The following ZNF135 variants were observed in gnomAD, a reference collection of about 807,000 sequenced individuals.
ZNF135 encodes zinc finger protein 135 (clone pHZ-17).
Under a neutral mutation model 12.3 loss-of-function variants are expected in ZNF135, and 11 were observed. That is an observed-to-expected ratio of 0.89 (90% CI 0.56 to 1.48). ZNF135 has a LOEUF of 1.48. ZNF135 is among the 40% of genes most tolerant of loss of function. The pLI, the probability that ZNF135 is intolerant of heterozygous loss-of-function variation, is 0.00. For missense variants in ZNF135, 722 were observed against 815.7 expected (o/e 0.89, Z 1.40); for synonymous variants, 316 against 312.0 (o/e 1.01, Z -0.14).
In ZNF135 at chr19:58,069,585, T is replaced by C. The variant is rs941832241; in HGVS notation, c.*1124T>C. ...CTTGCTGCCCTCATTAGAAATTGCA[T>C]TGGCTGGCCAGGCGCGGTGACTTAT... On this transcript the variant is annotated 3_prime_UTR_variant, in exon 5 of 5. Transcript: ENST00000313434. The C allele has an allele frequency of 6.6e-6, 1 of 152,162 alleles. No individual in the cohort carries two copies. The highest frequency in any genetic ancestry group is 2.4e-5 in the African/African-American group (1 of 41,448). The allele number at this position is 152,162 out of a possible 1,614,324, so 9.4% of individuals were successfully genotyped here.
At position 58,063,182 on chromosome 19, in the gene ZNF135, T is replaced by C. The variant is rs1478069461; in HGVS notation, c.161-264T>C. Among the ~76,000 whole-genome samples, 1 of 152,166 alleles carries C rather than the reference T, an allele frequency of 6.6e-6. No individual in the cohort carries two copies. ...TGCCAGGTCTTCTTCACAGTGATCA[T>C]TGATGCCAGTGGGCAGGGGAGGAAC... On this transcript the variant is annotated intron_variant, in intron 3 of 4. Coordinates refer to ENST00000313434, the MANE Select transcript of ZNF135 (RefSeq NM_001289401.2). This position sits in a 1 kb window ranked among gnomAD's most constrained non-coding sequence, Gnocchi z 4.4.
intron 4 of ZNF135, 165 bp from the exon 5 acceptor site, chr19:58,066,576 T>G: frequency 1.2e-6 from 1 of 860,144 alleles, no homozygotes; most frequent in Non-Finnish European, 1.8e-6. Flanking sequence ...TGTTTCCCTC[T>G]CTTCCTTTCC....
chr19:58,067,718 T>A lies in ZNF135; in HGVS notation c.1234T>A (p.Cys412Ser), dbSNP rs1260746519. The change falls in exon 5 of 5, where the codon TGT (cysteine) becomes AGT (serine). Residue 412 changes from cysteine (C) to serine (S), a missense_variant. By Grantham distance (112) the Cys-to-Ser change is moderately radical. Transcript: ENST00000313434. ...RTHTGEKPYE[C>S]GECGKAFSQS... ...CCACACAGGAGAAAAGCCCTATGAG[T>A]GTGGTGAGTGTGGGAAAGCCTTCAG... 6.2e-7 allele frequency: 1 copy of A among 1,613,812 alleles called. No homozygotes were observed. The highest frequency in any genetic ancestry group is 1.3e-5 in the African/African-American group (1 of 74,868).
chr19:58,065,583 C>G lies in ZNF135; in HGVS notation c.257-1158C>G, dbSNP rs549913356. ...TGTCCATCTTCACAGTCAGCAAGGC[C>G]TGGTCAAGTCACATCATATTCACTC... On this transcript the variant is annotated intron_variant, in intron 4 of 4. Transcript: ENST00000313434. The surrounding 1 kb of genome is among the most constrained non-coding windows in gnomAD (Gnocchi z 4.0). Among the ~76,000 whole-genome samples the G allele has an allele frequency of 1.2e-3, 179 of 152,310 alleles. No individual in the cohort carries two copies. Among genetic ancestry groups the G allele is most frequent in the African/African-American group, 4.2e-3 (175 of 41,570 alleles).
In ZNF135 at chr19:58,059,298, C is replaced by T. The variant is rs944986303; in HGVS notation, c.-47C>T. On this transcript the variant is annotated 5_prime_UTR_variant, in exon 1 of 5. Transcript: ENST00000313434. This position sits in a 1 kb window ranked among gnomAD's most constrained non-coding sequence, Gnocchi z 6.5. The stretch of plus-strand genomic sequence containing the variant: ...GCTGCCGGTGCCGCGGCCTTTGTCT[C>T]GCAGTCAGGAGGGTGAGCTAGGCCG... 1.3e-6 allele frequency: 2 copies of T among 1,529,740 alleles called. No individual in the cohort carries two copies. The highest frequency in any genetic ancestry group is 3.0e-5 in the African/African-American group (2 of 66,894). The allele number at this position is 1,529,740 out of a possible 1,614,324, so 94.8% of individuals were successfully genotyped here. A position where few individuals can be genotyped will look rare whatever the true frequency, so the allele number is the denominator to read the frequency against.
At chr19:58,062,986 T>G (rs567961945) in intron 3 of ZNF135, among the ~76,000 whole-genome samples, 1 of 152,280 alleles carries the variant, frequency 6.6e-6, no homozygotes, top group East Asian at 1.9e-4. Context: ...CCACTATGCA[T>G]AGCCTGAATT....
rs1295985689 is a variant in ZNF135 at position 58,060,898 on chromosome 19, G to A, written c.34-682G>A. Among the ~76,000 whole-genome samples, 1 of 152,144 alleles carries A rather than the reference G, an allele frequency of 6.6e-6. No individual in the cohort carries two copies. Among genetic ancestry groups the A allele is most frequent in the Non-Finnish European group, 1.5e-5 (1 of 68,014 alleles). ...TCCCAGCACTTTGGGAGGCCGAGGT[G>A]GGCGGATCACGAGGTCAGGAGATCG... On this transcript the variant is annotated intron_variant, in intron 2 of 4. Coordinates refer to ENST00000313434, the MANE Select transcript of ZNF135 (RefSeq NM_001289401.2). The surrounding 1 kb of genome is among the most constrained non-coding windows in gnomAD (Gnocchi z 4.9).
In ZNF135 at chr19:58,059,961, T is replaced by C. The variant is rs780992925; in HGVS notation, c.-34-8T>C. 4.3e-6 allele frequency: 7 copies of C among 1,611,836 alleles called. No individual in the cohort carries two copies. The highest frequency in any genetic ancestry group is 5.9e-6 in the Non-Finnish European group (7 of 1,179,590). On this transcript the variant is annotated splice_polypyrimidine_tract_variant and splice_region_variant and intron_variant, in intron 1 of 4. Coordinates refer to ENST00000313434, the MANE Select transcript of ZNF135 (RefSeq NM_001289401.2). This position sits in a 1 kb window ranked among gnomAD's most constrained non-coding sequence, Gnocchi z 6.5. ...CTGCCCCAGCTGCTCACCTCCCCTTTCCCACAGAGCAGGGCCAGCCGTTCC... is the reference window on the plus strand; with the variant it reads ...CTGCCCCAGCTGCTCACCTCCCCTTCCCCACAGAGCAGGGCCAGCCGTTCC...
At chr19:58,064,964 G>A (rs1477803541) in intron 4 of ZNF135, among the ~76,000 whole-genome samples, 1 of 152,198 alleles carries the variant, frequency 6.6e-6, no homozygotes, top group Non-Finnish European at 1.5e-5. Flanking sequence ...AGTTTTTGGG[G>A]AGTCAAAGGC....
At position 58,068,050 on chromosome 19, in the gene ZNF135, C is replaced by G. The variant is rs539888316; in HGVS notation, c.1566C>G (p.Tyr522Ter). ...GAATCCACACTGGGGAGAAGCCCTACGAATGCAACCAGTGTGGCAGAGCCT... is the reference window on the plus strand; with the variant it reads ...GAATCCACACTGGGGAGAAGCCCTAGGAATGCAACCAGTGTGGCAGAGCCT... ...HQRIHTGEKP[Y>*]ECNQCGRAFS... The change falls in exon 5 of 5, where the codon TAC becomes TAG. Residue 522 changes from tyrosine (Y) to a stop codon, truncating the protein, a stop_gained. Coordinates refer to ENST00000313434, the MANE Select transcript of ZNF135 (RefSeq NM_001289401.2). LOFTEE classifies it low-confidence loss of function (END_TRUNC). 6.2e-7 allele frequency: 1 copy of G among 1,613,934 alleles called. No homozygotes were observed. The highest frequency in any genetic ancestry group is 1.1e-5 in the South Asian group (1 of 91,066).
chr19:58,067,061 C>A lies in ZNF135; in HGVS notation c.577C>A (p.Arg193Ser), dbSNP rs79298408. The A allele has an allele frequency of 5.3e-5, 86 of 1,614,120 alleles. No individual in the cohort carries two copies. The highest frequency in any genetic ancestry group is 6.4e-5 in the Non-Finnish European group (76 of 1,180,016). ...ERQSPHTWGTRGKREKPDLNV... is the reference protein window; with the variant it reads ...ERQSPHTWGTSGKREKPDLNV... The stretch of plus-strand genomic sequence containing the variant: ...ACAAAGCCCCCACACATGGGGAACA[C>A]GTGGAAAAAGGGAGAAGCCAGACCT... The change falls in exon 5 of 5, where the codon CGT becomes AGT. Residue 193 changes from arginine to serine, a missense_variant. Coordinates refer to ENST00000313434, the MANE Select transcript of ZNF135 (RefSeq NM_001289401.2).
rs1361951385 is a variant in ZNF135, at chr19:58,067,780, C to T, written c.1296C>T (p.His432=). Reference sequence around the variant, plus strand: ...TCCTGACCGAGCATCGGAGGATTCACACAGGAGAGAAGCCCTATGGATGCA... The same window carrying T: ...TCCTGACCGAGCATCGGAGGATTCATACAGGAGAGAAGCCCTATGGATGCA... ...STLLTEHRRI[H]TGEKPYGCNE... The change falls in exon 5 of 5, where the codon CAC becomes CAT. Residue 432 remains histidine, a synonymous_variant. Coordinates refer to ENST00000313434, the MANE Select transcript of ZNF135 (RefSeq NM_001289401.2). 1.2e-6 allele frequency: 2 copies of T among 1,614,036 alleles called. No homozygotes were observed. The highest frequency in any genetic ancestry group is 1.3e-5 in the African/African-American group (1 of 74,922).
rs2074110086 is a variant in ZNF135 at position 58,068,148 on chromosome 19, G to GT, written c.1665dup (p.Gly556TrpfsTer27). 6.2e-7 allele frequency: 1 copy of GT among 1,613,996 alleles called. No homozygotes were observed. The highest frequency in any genetic ancestry group is 1.3e-5 in the African/African-American group (1 of 74,886). On this transcript the variant is annotated frameshift_variant, in exon 5 of 5. Transcript: ENST00000313434. LOFTEE classifies it low-confidence loss of function (END_TRUNC). ...GAGAAACCCTATGAATGTAACCAGT[G>GT]TGGCAGAGCCTTCAGCCAGAGCTCC...
rs1013003954 is a variant in ZNF135, at chr19:58,059,481, T to C, written c.-35+171T>C. 4.6e-5 allele frequency among the ~76,000 whole-genome samples: 7 copies of C among 151,330 alleles called. No homozygotes were observed. Among genetic ancestry groups the C allele is most frequent in the Admixed American group, 2.0e-4 (3 of 15,238 alleles). On this transcript the variant is annotated intron_variant, in intron 1 of 4. Coordinates refer to ENST00000313434, the MANE Select transcript of ZNF135 (RefSeq NM_001289401.2). This position sits in a 1 kb window ranked among gnomAD's most constrained non-coding sequence, Gnocchi z 6.5. ...GGCCTGGGGAAGGCCGTTTCGGGGC[T>C]GGCGGGGGCAGGCTTTGCGGGGCAT...
intron 4 of ZNF135, among the ~76,000 whole-genome samples, chr19:58,066,007 G>A (rs191511740): frequency 3.3e-5 from 5 of 152,228 alleles, no homozygotes; most frequent in Admixed American, 3.3e-4. Context: ...GAATGCATTT[G>A]TTCATTCATT....
rs766183225 is a variant in ZNF135 at position 58,068,224 on chromosome 19, C to T, written c.1740C>T (p.Cys580=). Residue 580 remains cysteine (C), a synonymous_variant, in exon 5 of 5, where the codon TGC becomes TGT. Transcript: ENST00000313434. ...ACACCAAGGAAAAGCCGTATGGGTG[C>T]AATGAGTGTGGGAAATCCTTCAGCC... ...RIHTKEKPYG[C]NECGKSFSHS... The T allele has an allele frequency of 1.9e-6, 3 of 1,613,976 alleles. No homozygotes were observed. The African/African-American group carries it at 4.0e-5, about 22-fold the overall frequency.
chr19:58,060,543 A>G lies in ZNF135; in HGVS notation c.33+508A>G. 1.3e-6 allele frequency: 1 copy of G among 764,378 alleles called. No individual in the cohort carries two copies. The highest frequency in any genetic ancestry group is 1.6e-6 in the Non-Finnish European group (1 of 621,376). 47.3% of individuals were successfully genotyped at this position (764,378 alleles called of 1,614,324 possible). A position where few individuals can be genotyped will look rare whatever the true frequency, so the allele number is the denominator to read the frequency against. On this transcript the variant is annotated intron_variant, in intron 2 of 4. Transcript: ENST00000313434. This position sits in a 1 kb window ranked among gnomAD's most constrained non-coding sequence, Gnocchi z 4.9. ...AGGCCTTAGCATGCTCTGCGCTCCA[A>G]GATGGCGCATCGAGTGCCGCTTCCT... is the stretch of plus-strand genomic sequence containing the variant.
chr19:58,068,585 C>CCCCTCAGACA lies in ZNF135; in HGVS notation c.*133_*142dup. On this transcript the variant is annotated 3_prime_UTR_variant, in exon 5 of 5. Coordinates refer to ENST00000313434, the MANE Select transcript of ZNF135 (RefSeq NM_001289401.2). ...TACACAAGCCTTTTCACACAGCACT[C>CCCCTCAGACA]CCCTCAGACACCCTCAGAGAGTTCA... 1.8e-6 allele frequency: 2 copies of CCCCTCAGACA among 1,082,602 alleles called. No individual in the cohort carries two copies. The highest frequency in any genetic ancestry group is 3.2e-5 in the South Asian group (2 of 62,022). The allele number at this position is 1,082,602 out of a possible 1,614,324, so 67.1% of individuals were successfully genotyped here.
rs1301268973 is a variant in ZNF135, at chr19:58,067,180, C to T, written c.696C>T (p.His232=). The T allele has an allele frequency of 6.2e-7, 1 of 1,613,982 alleles. No individual in the cohort carries two copies. The highest frequency in any genetic ancestry group is 8.5e-7 in the Non-Finnish European group (1 of 1,179,942). The stretch of plus-strand genomic sequence containing the variant: ...GTCACAGCTCAGCACTTATCGAACA[C>T]CACCGGACGCACACAGGAGAGAGAC... The part of the protein sequence containing the change: ...AFSHSSALIE[H]HRTHTGERPY... Residue 232 remains histidine, a synonymous_variant, in exon 5 of 5, where the codon CAC becomes CAT. Transcript: ENST00000313434.
Sources: allele counts gnomAD v4.1 joint callset (sites outside exome capture counted in the v4.1 genomes callset), GRCh38; gene constraint gnomAD v4.1.1; non-coding constraint Gnocchi (gnomAD v3.1); transcripts MANE v1.5; gene names NCBI Gene and HGNC (gene_info 2026-07-23, HGNC 2026-07-21).